The following CCDC80 variants were observed in gnomAD, a reference collection of about 807,000 sequenced individuals.
CCDC80 encodes the protein coiled-coil domain containing 80, also known as coiled-coil domain-containing protein 80.
Under a neutral mutation model 78.7 loss-of-function variants are expected in CCDC80, and 49 were observed. The observed-to-expected ratio is 0.62, with a 90% CI of 0.50 to 0.79. CCDC80 has a LOEUF of 0.79. Ranked by LOEUF, CCDC80 falls within the 30% of genes least tolerant of loss-of-function variation. The pLI is 0.00. For synonymous variants in CCDC80, 488 were observed against 447.0 expected (o/e 1.09, Z -1.16); for missense variants, 1,205 against 1,198.6 (o/e 1.01, Z -0.08).
chr3:112,622,352 A>G (rs776291541), intron 3 of CCDC80, among the ~76,000 whole-genome samples: 38 of 152,330 alleles, frequency 2.5e-4, no homozygotes, highest in Non-Finnish European at 4.7e-4. Context: ...GCCAAAGCAA[A>G]ACAATGAAAG....
rs1226489818 is a variant in CCDC80 at position 112,605,117 on chromosome 3, T to C, written c.*300A>G. The stretch of plus-strand genomic sequence containing the variant: ...AGCTTTAAATACATATTTTATAAAA[T>C]TTTATATGCCAAATAAGGTCCTTCA... On this transcript the variant is annotated 3_prime_UTR_variant, in exon 8 of 8. Coordinates refer to ENST00000206423, the MANE Select transcript of CCDC80 (RefSeq NM_199511.3). 1 of 232,166 alleles carries C rather than the reference T, an allele frequency of 4.3e-6. No individual in the cohort carries two copies. The highest frequency in any genetic ancestry group is 8.2e-6 in the Non-Finnish European group (1 of 121,842). The allele number at this position is 232,166 out of a possible 1,614,324, so 14.4% of individuals were successfully genotyped here.
chr3:112,629,205 T>G (rs1441501658), intron 3 of CCDC80, among the ~76,000 whole-genome samples: 9 of 151,972 alleles, frequency 5.9e-5, no homozygotes, highest in Non-Finnish European at 1.3e-4. Flanking sequence ...TTCTTTCAAG[T>G]GCTTTTAGAT....
intron 3 of CCDC80, among the ~76,000 whole-genome samples, chr3:112,622,277 A>G (rs546637790): frequency 3.5e-4 from 54 of 152,344 alleles, no homozygotes; most frequent in African/African-American, 1.3e-3. Context: ...AAACATTAGA[A>G]ATAAAACATT....
chr3:112,639,260 G>C lies in CCDC80; in HGVS notation c.646C>G (p.Pro216Ala). Residue 216 changes from proline to alanine, a missense_variant, in exon 2 of 8, where the codon CCT becomes GCT. Transcript: ENST00000206423. ...CTCATCAGCTTAGGGATGAGGCTAG[G>C]GTCCAGGGGCTGCTCCAGGATCTGG... ...EGQILEQPLD[P>A]SLIPKLMSFL... The C allele has an allele frequency of 6.2e-7, 1 of 1,614,094 alleles. No individual in the cohort carries two copies. The highest frequency in any genetic ancestry group is 8.5e-7 in the Non-Finnish European group (1 of 1,180,018).
chr3:112,619,182 G>C, intron 3 of CCDC80, 78 bp from the exon 4 acceptor site: 14 of 1,312,780 alleles, frequency 1.1e-5, no homozygotes, highest in Non-Finnish European at 1.4e-5. Flanking sequence ...TGAAGGCTTT[G>C]GGCCTAATCA....
At chr3:112,631,826 G>A (rs16859870) in intron 2 of CCDC80, among the ~76,000 whole-genome samples, 61,932 of 152,038 alleles carry the variant, frequency 0.41, 15,063 homozygotes, top group Non-Finnish European at 0.54. Context: ...GAAATTAAAC[G>A]TGTTCAATAG....
At chr3:112,619,264 A>G (rs1935815489) in intron 3 of CCDC80, among the ~76,000 whole-genome samples, 160 bp from the exon 4 acceptor site, 1 of 152,224 alleles carries the variant, frequency 6.6e-6, no homozygotes, top group South Asian at 2.1e-4. Flanking sequence ...GTAAATTAAT[A>G]AATATAGAAA....
chr3:112,607,017 C>T (rs929844259), intron 7 of CCDC80, among the ~76,000 whole-genome samples, 159 bp downstream of exon 7: 1 of 152,110 alleles, frequency 6.6e-6, no homozygotes, highest in African/African-American at 2.4e-5. Context: ...CTACATATCC[C>T]GTGCACACAC....
chr3:112,631,783 T>A (rs910023558), intron 2 of CCDC80, among the ~76,000 whole-genome samples: 1 of 152,174 alleles, frequency 6.6e-6, no homozygotes, highest in Non-Finnish European at 1.5e-5. Context: ...CTTCTAAGAA[T>A]TCTCCCCGCA....
intron 2 of CCDC80, among the ~76,000 whole-genome samples, chr3:112,636,705 G>T (rs1249856951): frequency 6.6e-6 from 1 of 152,068 alleles, no homozygotes; most frequent in East Asian, 1.9e-4. Flanking sequence ...CTTGAGAAAA[G>T]AGTGTCTGTC....
chr3:112,608,533 T>C lies in CCDC80; in HGVS notation c.2426-1277A>G, dbSNP rs182505040. On this transcript the variant is annotated intron_variant, in intron 6 of 7. Transcript: ENST00000206423. The stretch of plus-strand genomic sequence containing the variant: ...AAGAGTTTGCTTTCACAATGTGACA[T>C]AGGATCTGTGTGCAGAGATTTAAAG... 2.9e-3 allele frequency among the ~76,000 whole-genome samples: 440 copies of C among 152,314 alleles called. 5 individuals carry two copies. The highest frequency in any genetic ancestry group is 0.01 in the African/African-American group (431 of 41,584).
chr3:112,630,791 C>T (rs1936082193), intron 2 of CCDC80, among the ~76,000 whole-genome samples: 1 of 152,110 alleles, frequency 6.6e-6, no homozygotes, highest in Non-Finnish European at 1.5e-5. Context: ...GAAAACCTTG[C>T]AGAAAGGTTT....
Position 112,601,383 on chromosome 3 carries a change from A to G in CCDC80, c.*4034T>C, listed in dbSNP as rs1935371146. On this transcript the variant is annotated 3_prime_UTR_variant, in exon 8 of 8. Coordinates refer to ENST00000206423, the MANE Select transcript of CCDC80 (RefSeq NM_199511.3). ...AAATGATTTGGAGAATTAATGATTAATAACAGTGGAAAATAGCCTTCCCAT... is the reference window on the plus strand; with the variant it reads ...AAATGATTTGGAGAATTAATGATTAGTAACAGTGGAAAATAGCCTTCCCAT... The G allele has an allele frequency of 6.6e-6, 1 of 152,246 alleles. No homozygotes were observed. Among genetic ancestry groups the G allele is most frequent in the African/African-American group, 2.4e-5 (1 of 41,444 alleles). 9.4% of individuals were successfully genotyped at this position (152,246 alleles called of 1,614,324 possible).
rs539065076 is a variant in CCDC80, at chr3:112,639,447, G to C, written c.459C>G (p.Val153=). 1 of 1,614,170 alleles carries C rather than the reference G, an allele frequency of 6.2e-7. No homozygotes were observed. Among genetic ancestry groups the C allele is most frequent in the African/African-American group, 1.3e-5 (1 of 75,028 alleles). Residue 153 remains valine (V), a synonymous_variant, in exon 2 of 8, where the codon GTC becomes GTG. Coordinates refer to ENST00000206423, the MANE Select transcript of CCDC80 (RefSeq NM_199511.3). ...ASFAGKNRVW[V]ISAPHASEGY... is the part of the protein sequence containing the mutation. ...CTTCCGAGGCATGAGGGGCTGAGAT[G>C]ACCCATACTCTGTTCTTCCCTGCAA... is the stretch of plus-strand genomic sequence containing the variant.
intron 3 of CCDC80, among the ~76,000 whole-genome samples, chr3:112,626,199 C>A (rs983608287): frequency 6.6e-6 from 1 of 152,148 alleles, no homozygotes; most frequent in Non-Finnish European, 1.5e-5. Flanking sequence ...GCTCTCTAGT[C>A]TCTAGGGCAC....
chr3:112,639,828 A>C lies in CCDC80; in HGVS notation c.78T>G (p.His26Gln). The C allele has an allele frequency of 6.2e-7, 1 of 1,614,118 alleles. No homozygotes were observed. Among genetic ancestry groups the C allele is most frequent in the Non-Finnish European group, 8.5e-7 (1 of 1,180,020 alleles). Residue 26 changes from histidine to glutamine, a missense_variant, in exon 2 of 8, where the codon CAT (histidine) becomes CAG (glutamine). By Grantham distance (24) the His-to-Gln change is conservative. Transcript: ENST00000206423. ...CTCCGTGGCTGCCTCTAATAGTGGCATGGGGGTGGGGTTCTGATCCACACA... is the reference window on the plus strand; with the variant it reads ...CTCCGTGGCTGCCTCTAATAGTGGCCTGGGGGTGGGGTTCTGATCCACACA... The part of the protein sequence containing the change: ...WLVCGSEPHP[H>Q]ATIRGSHGGR...
Position 112,607,225 on chromosome 3 carries a change from T to C in CCDC80, c.2457A>G (p.Leu819=). The C allele has an allele frequency of 6.2e-7, 1 of 1,613,926 alleles. No individual in the cohort carries two copies. Among genetic ancestry groups the C allele is most frequent in the South Asian group, 1.1e-5 (1 of 91,056 alleles). Residue 819 remains leucine, a synonymous_variant, in exon 7 of 8, where the codon TTA becomes TTG. Coordinates refer to ENST00000206423, the MANE Select transcript of CCDC80 (RefSeq NM_199511.3). ...CTCCCCCAACTTCCTCTCCAACGCC[T>C]AAAAGCTTCAGAATGGTTATGTGGC... is the stretch of plus-strand genomic sequence containing the variant. ...GLRHITILKL[L]GVGEEVGGVL...
At chr3:112,630,349 G>T (rs778675510) in intron 2 of CCDC80, 80 bp from the exon 3 acceptor site, 21 of 1,371,270 alleles carry the variant, frequency 1.5e-5, no homozygotes, top group Non-Finnish European at 2.0e-5. Flanking sequence ...AGATGATTTG[G>T]AAGAGAGGGC....
Position 112,600,351 on chromosome 3 carries a change from A to G in CCDC80, c.*5066T>C, listed in dbSNP as rs1049878463. On this transcript the variant is annotated 3_prime_UTR_variant, in exon 8 of 8. Coordinates refer to ENST00000206423, the MANE Select transcript of CCDC80 (RefSeq NM_199511.3). Reference sequence around the variant, plus strand: ...CTAACTATTATTTCAATGCCAGTGGAACTGGAGAAATGCTTGAAAAAGTAA... The same window carrying G: ...CTAACTATTATTTCAATGCCAGTGGGACTGGAGAAATGCTTGAAAAAGTAA... 5.3e-5 allele frequency: 8 copies of G among 152,256 alleles called. No homozygotes were observed. Among genetic ancestry groups the G allele is most frequent in the African/African-American group, 1.7e-4 (7 of 41,460 alleles). The allele number at this position is 152,256 out of a possible 1,614,324, so 9.4% of individuals were successfully genotyped here.
Sources: allele counts gnomAD v4.1 joint callset (sites outside exome capture counted in the v4.1 genomes callset), GRCh38; gene constraint gnomAD v4.1.1; transcripts MANE v1.5; gene names NCBI Gene and HGNC (gene_info 2026-07-23, HGNC 2026-07-21).